Variants in GPR158 observed in about 807,000 individuals in gnomAD.
GPR158 encodes metabotropic glycine receptor.
GPR158 carries 30 observed loss-of-function variants against 78.2 expected under a neutral mutation model. The ratio of observed to expected loss-of-function variants is 0.38; its 90% CI spans 0.29 to 0.52. The LOEUF is 0.52. Among genes scored for constraint, GPR158 ranks in the 20% least tolerant of loss-of-function variants. GPR158 has a pLI of 0.83. For synonymous variants in GPR158, 581 were observed against 591.1 expected (o/e 0.98, Z 0.25); for missense variants, 1,463 against 1,523.5 (o/e 0.96, Z 0.66).
rs888481042 is a variant in GPR158 at position 25,599,010 on chromosome 10, A to T, written c.3384A>T (p.Lys1128Asn). The change falls in exon 11 of 11, where the codon AAA becomes AAT. Residue 1128 changes from lysine (K) to asparagine (N), a missense_variant. Lys to Asn is a moderately conservative substitution (Grantham distance 94). Transcript: ENST00000376351. ...EELPPKAVAS[K>N]TENENLNQIG... ...TGCCCCCCAAAGCTGTAGCATCAAA[A>T]ACAGAGAATGAAAATCTCAACCAAA... 2 of 1,614,188 alleles carry T rather than the reference A, an allele frequency of 1.2e-6. No homozygotes were observed. Among genetic ancestry groups the T allele is most frequent in the South Asian group, 1.1e-5 (1 of 91,082 alleles).
intron 4 of GPR158, among the ~76,000 whole-genome samples, chr10:25,422,899 T>A (rs1445564703): frequency 7.1e-6 from 1 of 140,346 alleles, no homozygotes. Flanking sequence ...GTATCATTCT[T>A]ATGCCTTTGC....
intron 2 of GPR158, among the ~76,000 whole-genome samples, chr10:25,260,833 T>C (rs1322646143): frequency 6.6e-6 from 1 of 152,188 alleles, no homozygotes; most frequent in East Asian, 1.9e-4. Context: ...TTTTGCTTTC[T>C]ATTCGTCTAT....
chr10:25,475,991 G>A (rs948731190), intron 5 of GPR158: 2 of 152,068 alleles, frequency 1.3e-5, no homozygotes, highest in African/African-American at 4.8e-5. Context: ...GACTACAGAC[G>A]ATTTCATAAC....
At chr10:25,419,635 A>C (rs1298486722) in intron 4 of GPR158, among the ~76,000 whole-genome samples, 2 of 152,132 alleles carry the variant, frequency 1.3e-5, no homozygotes, top group Non-Finnish European at 2.9e-5. Flanking sequence ...TCCATACCCT[A>C]ACCTACATTT....
At chr10:25,263,577 T>TA (rs889611107) in intron 2 of GPR158, among the ~76,000 whole-genome samples, 5 of 152,184 alleles carry the variant, frequency 3.3e-5, no homozygotes, top group South Asian at 2.1e-4. Context: ...TCTCACTATT[T>TA]AAAAAAAATC....
At chr10:25,308,210 G>A (rs1854710466) in intron 2 of GPR158, among the ~76,000 whole-genome samples, 2 of 152,044 alleles carry the variant, frequency 1.3e-5, no homozygotes, top group African/African-American at 4.8e-5. Flanking sequence ...ATAGGTAAAT[G>A]TGTGCCATGG....
chr10:25,536,830 T>C (rs1480061440), intron 5 of GPR158, among the ~76,000 whole-genome samples: 1 of 152,236 alleles, frequency 6.6e-6, no homozygotes, highest in African/African-American at 2.4e-5. Context: ...ACTGTGGTCC[T>C]AGGAGCAGCA....
chr10:25,550,650 T>C (rs1309715194), intron 5 of GPR158, among the ~76,000 whole-genome samples: 1 of 152,186 alleles, frequency 6.6e-6, no homozygotes, highest in Non-Finnish European at 1.5e-5. Context: ...GTGTATAACA[T>C]GCAGGTTTGT....
intron 2 of GPR158, among the ~76,000 whole-genome samples, chr10:25,380,524 G>GT: frequency 6.6e-6 from 1 of 151,918 alleles, no homozygotes; most frequent in African/African-American, 2.4e-5. Flanking sequence ...CATTTTATGT[G>GT]TTTTTTCAAT....
At chr10:25,390,915 G>A (rs538194980) in intron 2 of GPR158, among the ~76,000 whole-genome samples, 55 of 152,274 alleles carry the variant, frequency 3.6e-4, no homozygotes, top group African/African-American at 7.9e-4. Context: ...AAATGGTTTC[G>A]TGGGCTGGCT....
intron 2 of GPR158, among the ~76,000 whole-genome samples, chr10:25,314,642 CTG>C (rs1441928497): frequency 1.3e-5 from 2 of 149,432 alleles, no homozygotes; most frequent in Non-Finnish European, 3.0e-5. Context: ...TTGTGACTGA[CTG>C]TTGTTTTTTT....
chr10:25,481,419 A>G (rs1431864772), intron 5 of GPR158, among the ~76,000 whole-genome samples: 21 of 152,218 alleles, frequency 1.4e-4, no homozygotes, highest in Non-Finnish European at 2.9e-5. Flanking sequence ...TGTATAAACC[A>G]GATATCTGGA....
chr10:25,559,239 T>C (rs964239069), intron 6 of GPR158, among the ~76,000 whole-genome samples: 1 of 152,226 alleles, frequency 6.6e-6, no homozygotes, highest in African/African-American at 2.4e-5. Context: ...CTGAAATCTA[T>C]TTTGTCTGGT....
chr10:25,317,741 G>GTT (rs199812407), intron 2 of GPR158, among the ~76,000 whole-genome samples: 2,274 of 121,824 alleles, frequency 0.019, 169 homozygotes, highest in African/African-American at 0.069. Flanking sequence ...GTTTTGTTTT[G>GTT]TTTTTGAGAC....
intron 2 of GPR158, among the ~76,000 whole-genome samples, chr10:25,326,819 T>C (rs865859686): frequency 3.9e-5 from 6 of 152,222 alleles, no homozygotes; most frequent in Admixed American, 1.3e-4. Context: ...TCACAACATA[T>C]ACATATATCA....
intron 5 of GPR158, among the ~76,000 whole-genome samples, chr10:25,523,604 G>GT (rs915676011): frequency 1.3e-5 from 2 of 152,196 alleles, no homozygotes; most frequent in African/African-American, 4.8e-5. Context: ...AGAAAGCTGT[G>GT]TAGCTGAGAA....
chr10:25,206,355 A>G lies in GPR158; in HGVS notation c.903-14697A>G, dbSNP rs1026514176. Among the ~76,000 whole-genome samples, 4 of 152,260 alleles carry G rather than the reference A, an allele frequency of 2.6e-5. No individual in the cohort carries two copies. The South Asian group carries it at 8.3e-4, about 32-fold the overall frequency. ...ATTAAATATAAGAACAACCCATTTA[A>G]TTGGTAGAAGAGAAAAAGTCTGGAA... On this transcript the variant is annotated intron_variant, in intron 1 of 10. Coordinates refer to ENST00000376351, the MANE Select transcript of GPR158 (RefSeq NM_020752.3).
chr10:25,231,542 T>A (rs7074602), intron 2 of GPR158, among the ~76,000 whole-genome samples: 8,665 of 152,154 alleles, frequency 0.057, 861 homozygotes, highest in African/African-American at 0.2. Context: ...GTTGCTCTAA[T>A]GTTAGGACCT....
rs889104032 is a variant in GPR158 at position 25,221,532 on chromosome 10, T to C, written c.1008+375T>C. Among the ~76,000 whole-genome samples, 3 of 152,186 alleles carry C rather than the reference T, an allele frequency of 2.0e-5. No individual in the cohort carries two copies. The East Asian group carries it at 5.8e-4, about 29-fold the overall frequency. ...CTTATTGAAATATTGGTGGTATTCATTCAGACACACTGCTATCTGCTAGAA... is the reference window on the plus strand; with the variant it reads ...CTTATTGAAATATTGGTGGTATTCACTCAGACACACTGCTATCTGCTAGAA... On this transcript the variant is annotated intron_variant, in intron 2 of 10. Transcript: ENST00000376351.
Sources: allele counts gnomAD v4.1 joint callset (sites outside exome capture counted in the v4.1 genomes callset), GRCh38; gene constraint gnomAD v4.1.1; transcripts MANE v1.5; gene names NCBI Gene and HGNC (gene_info 2026-07-23, HGNC 2026-07-21).